The following URB1 variants were observed in gnomAD, a reference collection of about 807,000 sequenced individuals.
URB1 encodes nucleolar pre-ribosomal-associated protein 1.
URB1 carries 197 observed loss-of-function variants against 242.3 expected under a neutral mutation model. That is an observed-to-expected ratio of 0.81 (90% CI 0.72 to 0.91). URB1 has a LOEUF of 0.91. URB1 is among the 40% of genes least tolerant of loss of function. The pLI is 0.00. For synonymous variants in URB1, 1,153 were observed against 1,201.8 expected (o/e 0.96, Z 0.84); for missense variants, 2,721 against 2,860.5 (o/e 0.95, Z 1.11).
chr21:32,376,768 G>A (rs1291393954), intron 5 of URB1, among the ~76,000 whole-genome samples: 1 of 152,062 alleles, frequency 6.6e-6, no homozygotes, highest in Non-Finnish European at 1.5e-5. Flanking sequence ...TTCCCAAGTA[G>A]CTGAGACAAC....
chr21:32,379,914 G>A (rs1253774543), intron 4 of URB1, among the ~76,000 whole-genome samples: 3 of 151,958 alleles, frequency 2.0e-5, no homozygotes, highest in African/African-American at 7.3e-5. Flanking sequence ...GGGAGGCAGA[G>A]GTTGCAGTGA....
chr21:32,362,909 T>C (rs149141831), intron 11 of URB1, among the ~76,000 whole-genome samples: 74 of 152,246 alleles, frequency 4.9e-4, no homozygotes, highest in Admixed American at 8.5e-4. Flanking sequence ...AGAGAACACA[T>C]GTATCGTCTA....
At chr21:32,324,076 C>T (rs927335038) in intron 32 of URB1, among the ~76,000 whole-genome samples, 4 of 152,200 alleles carry the variant, frequency 2.6e-5, no homozygotes, top group African/African-American at 9.7e-5. Flanking sequence ...AGTCCAGGAC[C>T]GTCTGGCTGT....
At chr21:32,358,409 T>G (rs1453767142) in intron 14 of URB1, among the ~76,000 whole-genome samples, 1 of 152,226 alleles carries the variant, frequency 6.6e-6, no homozygotes, top group Non-Finnish European at 1.5e-5. Flanking sequence ...TTCATCACGA[T>G]GCCAGTGCTG....
At position 32,312,353 on chromosome 21, in the gene URB1, C is replaced by G; in HGVS notation, c.*2565G>C. 1 of 1,184,818 alleles carries G rather than the reference C, an allele frequency of 8.4e-7. No individual in the cohort carries two copies. The highest frequency in any genetic ancestry group is 1.1e-6 in the Non-Finnish European group (1 of 939,268). 73.4% of individuals were successfully genotyped at this position (1,184,818 alleles called of 1,614,324 possible). A position where few individuals can be genotyped will look rare whatever the true frequency, so the allele number is the denominator to read the frequency against. ...ATTACTGTGTAATGCGTTATCAGCC[C>G]TGAGTTCACCTGGTCCTTCTGTACC... On this transcript the variant is annotated 3_prime_UTR_variant, in exon 39 of 39. Coordinates refer to ENST00000382751, the MANE Select transcript of URB1 (RefSeq NM_014825.3).
Position 32,347,510 on chromosome 21 carries a change from A to G in URB1, c.3314T>C (p.Leu1105Pro). Residue 1105 changes from leucine to proline, a missense_variant, in exon 22 of 39, where the codon CTG (leucine) becomes CCG (proline). Coordinates refer to ENST00000382751, the MANE Select transcript of URB1 (RefSeq NM_014825.3). ...ATSPPKTPPQLEALQELHPYM... is the reference protein window; with the variant it reads ...ATSPPKTPPQPEALQELHPYM... ...TGGATGCAGCTCCTGCAGGGCCTCCAGCTGCGGCGGGGTCTTTGGTGGTGA... is the reference window on the plus strand; with the variant it reads ...TGGATGCAGCTCCTGCAGGGCCTCCGGCTGCGGCGGGGTCTTTGGTGGTGA... 1.3e-6 allele frequency: 2 copies of G among 1,551,382 alleles called. No homozygotes were observed. Among genetic ancestry groups the G allele is most frequent in the Middle Eastern group, 1.7e-4 (1 of 5,986 alleles).
intron 28 of URB1, among the ~76,000 whole-genome samples, chr21:32,336,390 G>A (rs1192594000): frequency 6.6e-6 from 1 of 152,052 alleles, no homozygotes; most frequent in Admixed American, 6.5e-5. Flanking sequence ...ACACACACAC[G>A]TACATACTGA....
chr21:32,358,451 T>C lies in URB1; in HGVS notation c.1870-795A>G, dbSNP rs570609712. On this transcript the variant is annotated intron_variant, in intron 14 of 38. Transcript: ENST00000382751. ...CGGATTGCTTATGCATAATTTATCC[T>C]CCTCAAAAGGCTTTTGGGCTTTGAA... is the stretch of plus-strand genomic sequence containing the variant. Among the ~76,000 whole-genome samples, 7 of 152,274 alleles carry C rather than the reference T, an allele frequency of 4.6e-5. 1 individual carries two copies. The South Asian group carries it at 1.5e-3, about 32-fold the overall frequency.
intron 22 of URB1, among the ~76,000 whole-genome samples, chr21:32,346,012 GT>G (rs2033082484): frequency 6.6e-6 from 1 of 152,206 alleles, no homozygotes; most frequent in Non-Finnish European, 1.5e-5. Context: ...AATGGGAGGT[GT>G]TTGGGTCATG....
chr21:32,317,111 G>A (rs2032700921), intron 37 of URB1, 46 bp from the exon 38 acceptor site: 2 of 1,469,680 alleles, frequency 1.4e-6, no homozygotes, highest in Non-Finnish European at 1.8e-6. Flanking sequence ...GGTCCCTCCT[G>A]CCCACACAGA....
Position 32,349,341 on chromosome 21 carries a change from A to AT in URB1, c.2974dup (p.Met992AsnfsTer12). ...CAACTCCAGCGAGGCCACGGACTCC[A>AT]TGTCCAGGAAGAGGTCGGCTTCGGC... On this transcript the variant is annotated frameshift_variant, in exon 21 of 39. Transcript: ENST00000382751. LOFTEE classifies it high-confidence loss of function. The AT allele has an allele frequency of 6.4e-7, 1 of 1,550,564 alleles. No homozygotes were observed. The highest frequency in any genetic ancestry group is 8.7e-7 in the Non-Finnish European group (1 of 1,146,572).
At chr21:32,327,816 G>C (rs1389720167) in intron 30 of URB1, among the ~76,000 whole-genome samples, 3 of 152,152 alleles carry the variant, frequency 2.0e-5, no homozygotes, top group Non-Finnish European at 4.4e-5. Flanking sequence ...AACTATAATA[G>C]ATTGAAGATG....
In URB1 at chr21:32,361,903, G is replaced by A. The variant is rs996401464; in HGVS notation, c.1628C>T (p.Ala543Val). The change falls in exon 12 of 39, where the codon GCT becomes GTT. Residue 543 changes from alanine to valine, a missense_variant. Coordinates refer to ENST00000382751, the MANE Select transcript of URB1 (RefSeq NM_014825.3). ...CCCTGAGACCTTACCGCACTGGTGA[G>A]CATCGCAGGCAGCCGGGGGCCCATC... The part of the protein sequence containing the change: ...RSDGPPAACD[A>V]HQCDDAETIL... 3 of 1,551,130 alleles carry A rather than the reference G, an allele frequency of 1.9e-6. No homozygotes were observed. The highest frequency in any genetic ancestry group is 2.0e-5 in the Admixed American group (1 of 50,984).
At chr21:32,377,603 C>G (rs776273484) in intron 5 of URB1, among the ~76,000 whole-genome samples, 1 of 152,324 alleles carries the variant, frequency 6.6e-6, no homozygotes, top group Non-Finnish European at 1.5e-5. Flanking sequence ...TCCACCACAG[C>G]AGCAATAGAG....
At chr21:32,370,650 G>A (rs1418493579) in intron 8 of URB1, among the ~76,000 whole-genome samples, 1 of 152,224 alleles carries the variant, frequency 6.6e-6, no homozygotes, top group African/African-American at 2.4e-5. Flanking sequence ...TCAGAGCTAA[G>A]TTGGGATTGA....
chr21:32,352,755 G>A lies in URB1; in HGVS notation c.2568C>T (p.Asn856=). The A allele has an allele frequency of 1.3e-6, 2 of 1,551,684 alleles. No individual in the cohort carries two copies. The highest frequency in any genetic ancestry group is 1.7e-6 in the Non-Finnish European group (2 of 1,146,996). The change falls in exon 19 of 39, where the codon AAC becomes AAT. Residue 856 remains asparagine (N), a synonymous_variant. Transcript: ENST00000382751. ...VPCCQQLSRF[N]RYYSLWIPEQ... Reference sequence around the variant, plus strand: ...CCGGGATCCAGAGGCTGTAGTATCTGTTAAACCGTGAGAGCTGCTGGCAGC... The same window carrying A: ...CCGGGATCCAGAGGCTGTAGTATCTATTAAACCGTGAGAGCTGCTGGCAGC...
intron 32 of URB1, among the ~76,000 whole-genome samples, chr21:32,323,722 C>T (rs1263011870): frequency 2.0e-5 from 3 of 152,264 alleles, no homozygotes; most frequent in African/African-American, 7.2e-5. Flanking sequence ...CCTGTAATCC[C>T]AGCACTTTGG....
At position 32,372,564 on chromosome 21, in the gene URB1, C is replaced by T. The variant is rs1289958686; in HGVS notation, c.944G>A (p.Cys315Tyr). 3 of 1,551,502 alleles carry T rather than the reference C, an allele frequency of 1.9e-6. No homozygotes were observed. The highest frequency in any genetic ancestry group is 1.7e-6 in the Non-Finnish European group (2 of 1,146,996). ...ELVHNFLMDL[C>Y]CSLKHGINFY... ...ATTAATTCCATGCTTGAGTGAACAGCAAAGATCCATCAGGAAGTTATGAAC... is the reference window on the plus strand; with the variant it reads ...ATTAATTCCATGCTTGAGTGAACAGTAAAGATCCATCAGGAAGTTATGAAC... The change falls in exon 8 of 39, where the codon TGC (cysteine) becomes TAC (tyrosine). Residue 315 changes from cysteine (C) to tyrosine (Y), a missense_variant. Coordinates refer to ENST00000382751, the MANE Select transcript of URB1 (RefSeq NM_014825.3).
intron 1 of URB1, 148 bp downstream of exon 1, chr21:32,392,621 G>A (rs1263300798): frequency 1.5e-5 from 17 of 1,125,942 alleles, no homozygotes; most frequent in Middle Eastern, 3.2e-4. Flanking sequence ...GTACACAGCA[G>A]TCCTGAACCT....
Sources: allele counts gnomAD v4.1 joint callset (sites outside exome capture counted in the v4.1 genomes callset), GRCh38; gene constraint gnomAD v4.1.1; transcripts MANE v1.5; gene names NCBI Gene and HGNC (gene_info 2026-07-23, HGNC 2026-07-21).